The following PLCB1 variants were observed in gnomAD, a reference collection of about 807,000 sequenced individuals.
PLCB1 encodes the protein 1-phosphatidylinositol 4,5-bisphosphate phosphodiesterase beta-1.
In PLCB1, 46 loss-of-function variants were observed where a neutral mutation model predicts 161.8. The observed-to-expected ratio is 0.28, with a 90% CI of 0.22 to 0.36. The LOEUF (loss-of-function observed/expected upper bound fraction) is 0.36, where lower values mean the gene tolerates loss of function less well. Ranked by LOEUF, PLCB1 falls within the 10% of genes least tolerant of loss-of-function variation. The pLI, the probability that PLCB1 is intolerant of heterozygous loss-of-function variation, is 1.00. For missense variants in PLCB1, 1,016 were observed against 1,472.5 expected (o/e 0.69, Z 5.07); for synonymous variants, 517 against 503.7 (o/e 1.03, Z -0.35).
chr20:8,361,460 A>G (rs148192141), intron 2 of PLCB1, among the ~76,000 whole-genome samples: 66 of 152,150 alleles, frequency 4.3e-4, no homozygotes, highest in African/African-American at 1.3e-3. Flanking sequence ...CTGGGAGGTG[A>G]ATCACCCAGC....
chr20:8,820,261 A>G (rs549950547), intron 31 of PLCB1, among the ~76,000 whole-genome samples: 70 of 149,224 alleles, frequency 4.7e-4, no homozygotes, highest in Non-Finnish European at 7.1e-4. Flanking sequence ...ACATAGTATT[A>G]TATTATTATA....
intron 3 of PLCB1, among the ~76,000 whole-genome samples, chr20:8,610,997 G>A (rs1987889676): frequency 6.6e-6 from 1 of 151,744 alleles, no homozygotes; most frequent in South Asian, 2.1e-4. Flanking sequence ...TTAAATAAAT[G>A]GTAAACTATA....
intron 31 of PLCB1, among the ~76,000 whole-genome samples, chr20:8,862,091 T>C (rs2146314379): frequency 6.6e-6 from 1 of 152,372 alleles, no homozygotes; most frequent in East Asian, 1.9e-4. Context: ...AAGGATACTA[T>C]TTATATTTCT....
At chr20:8,780,516 C>T (rs1472152709) in intron 27 of PLCB1, among the ~76,000 whole-genome samples, 1 of 152,160 alleles carries the variant, frequency 6.6e-6, no homozygotes, top group Non-Finnish European at 1.5e-5. Context: ...GTTCTAATCA[C>T]ATCCATTCAC....
intron 3 of PLCB1, among the ~76,000 whole-genome samples, chr20:8,512,102 T>C (rs1218615388): frequency 6.6e-6 from 1 of 152,176 alleles, no homozygotes; most frequent in Non-Finnish European, 1.5e-5. Flanking sequence ...GCCAAACTGG[T>C]AGTGAAACAT....
chr20:8,812,726 T>C (rs879844920), intron 31 of PLCB1, among the ~76,000 whole-genome samples: 1 of 152,098 alleles, frequency 6.6e-6, no homozygotes, highest in Non-Finnish European at 1.5e-5. Context: ...TTGGGAGAGC[T>C]GAAAATGGGA....
At chr20:8,477,642 C>G (rs1011017765) in intron 3 of PLCB1, among the ~76,000 whole-genome samples, 10 of 152,166 alleles carry the variant, frequency 6.6e-5, no homozygotes, top group Non-Finnish European at 8.8e-5. Flanking sequence ...AGGAAGCTTT[C>G]ACTCATGGCA....
Position 8,402,678 on chromosome 20 carries a change from C to CA in PLCB1, c.246+31245dup, listed in dbSNP as rs34206983. 8.7e-3 allele frequency among the ~76,000 whole-genome samples: 966 copies of CA among 111,614 alleles called. 9 individuals carry two copies. Among genetic ancestry groups the CA allele is most frequent in the East Asian group, 0.029 (102 of 3,468 alleles). 73.2% of individuals were successfully genotyped at this position (111,614 alleles called of 152,430 possible). ...TGAAATCCCGTCCCTACTAAAAATA[C>CA]AAAAAAAAAAAAAAAAATTAGCCAG... On this transcript the variant is annotated intron_variant, in intron 3 of 31. Transcript: ENST00000338037.
In PLCB1 at chr20:8,881,817, A is replaced by G. The variant is rs754119167; in HGVS notation, c.3619A>G (p.Ile1207Val). 1.2e-6 allele frequency: 2 copies of G among 1,613,756 alleles called. No individual in the cohort carries two copies. The highest frequency in any genetic ancestry group is 1.7e-4 in the Middle Eastern group (1 of 6,060). Residue 1207 changes from isoleucine (I) to valine (V), a missense_variant, in exon 32 of 32, where the codon ATC (isoleucine) becomes GTC (valine). Transcript: ENST00000338037. ...CTCCAGTGAGGAGCTGGGAGGAGAC[A>G]TCCCAGGAAAAGAATTTGATACTCC... is the stretch of plus-strand genomic sequence containing the variant. ...TPSSEELGGD[I>V]PGKEFDTPL
chr20:8,651,773 A>G (rs1989329502), intron 7 of PLCB1: 3 of 378,372 alleles, frequency 7.9e-6, no homozygotes, highest in South Asian at 9.0e-5. Context: ...GAGAACTACT[A>G]TTGAGAAGAA....
At chr20:8,531,569 A>G (rs76500633) in intron 3 of PLCB1, among the ~76,000 whole-genome samples, 10,533 of 152,112 alleles carry the variant, frequency 0.069, 471 homozygotes, top group Middle Eastern at 0.11. Flanking sequence ...CTCACAATCT[A>G]TCCTCCAAGA....
At chr20:8,398,545 T>G (rs761207662) in intron 3 of PLCB1, among the ~76,000 whole-genome samples, 24 of 152,230 alleles carry the variant, frequency 1.6e-4, no homozygotes, top group Admixed American at 2.6e-4. Context: ...TCTCATTGAG[T>G]CCTCACATAG....
At chr20:8,193,902 G>A (rs1019828024) in intron 2 of PLCB1, among the ~76,000 whole-genome samples, 3 of 151,944 alleles carry the variant, frequency 2.0e-5, no homozygotes, top group African/African-American at 7.3e-5. Flanking sequence ...GTTAAGCTAT[G>A]AGGGTCTTTC....
intron 3 of PLCB1, among the ~76,000 whole-genome samples, chr20:8,612,961 C>T (rs1450688695): frequency 3.3e-5 from 5 of 152,114 alleles, no homozygotes; most frequent in African/African-American, 1.2e-4. Flanking sequence ...CCCAGCTTAA[C>T]ACATGAGTGA....
At position 8,132,461 on chromosome 20, in the gene PLCB1, C is replaced by T. The variant is rs966598384; in HGVS notation, c.-191C>T. On this transcript the variant is annotated 5_prime_UTR_variant, in exon 1 of 32. Coordinates refer to ENST00000338037, the MANE Select transcript of PLCB1 (RefSeq NM_015192.4). This position sits in a 1 kb window ranked among gnomAD's most constrained non-coding sequence, Gnocchi z 5.2. ...CGGGGCATGGCCGGGCGCTGCGCCC[C>T]CGCGCGCTCTGCCTGCTGAGCGGCG... The T allele has an allele frequency of 2.1e-5, 7 of 331,438 alleles. No homozygotes were observed. Among genetic ancestry groups the T allele is most frequent in the Non-Finnish European group, 3.8e-5 (7 of 183,454 alleles). The allele number at this position is 331,438 out of a possible 1,614,324, so 20.5% of individuals were successfully genotyped here.
At chr20:8,681,393 A>G (rs904772990) in intron 9 of PLCB1, among the ~76,000 whole-genome samples, 8 of 152,078 alleles carry the variant, frequency 5.3e-5, no homozygotes, top group Non-Finnish European at 1.0e-4. Context: ...TGGAATTTGG[A>G]GCTAAAGTTA....
intron 3 of PLCB1, among the ~76,000 whole-genome samples, chr20:8,425,086 T>A (rs1979696065): frequency 6.6e-6 from 1 of 151,240 alleles, no homozygotes; most frequent in Non-Finnish European, 1.5e-5. Flanking sequence ...CGTGCAAACA[T>A]CTGATTGGTT....
chr20:8,223,718 T>C (rs1444363229), intron 2 of PLCB1, among the ~76,000 whole-genome samples: 1 of 152,208 alleles, frequency 6.6e-6, no homozygotes, highest in African/African-American at 2.4e-5. Context: ...AGTGACTCAG[T>C]TCAAACACAT....
chr20:8,718,415 C>G (rs73895115), intron 14 of PLCB1, among the ~76,000 whole-genome samples: 1 of 152,102 alleles, frequency 6.6e-6, no homozygotes, highest in African/African-American at 2.4e-5. Context: ...AGGTGTCAGC[C>G]GGGCTGTGTT....
Sources: gnomAD v4.1 joint callset for allele counts (sites outside exome capture counted in the v4.1 genomes callset) on GRCh38, gnomAD v4.1.1 for gene constraint, Gnocchi (gnomAD v3.1) non-coding constraint, MANE v1.5 for transcripts, NCBI Gene and HGNC (gene_info 2026-07-23, HGNC 2026-07-21) for gene names.